LARP1B: variants seen among roughly 807,000 people sequenced by gnomAD.
The protein encoded by LARP1B is la-related protein 1B.
In LARP1B, 76 loss-of-function variants were observed where a neutral mutation model predicts 114.2. That is an observed-to-expected ratio of 0.67 (90% CI 0.55 to 0.81). The LOEUF is 0.81. LARP1B is among the 30% of genes least tolerant of loss of function. The pLI, the probability that LARP1B is intolerant of heterozygous loss-of-function variation, is 0.00. For missense variants in LARP1B, 1,014 were observed against 1,075.8 expected (o/e 0.94, Z 0.80); for synonymous variants, 345 against 348.0 (o/e 0.99, Z 0.10).
chr4:128,074,795 T>C, intron 2 of LARP1B, 139 bp from the exon 3 acceptor site: 1 of 587,758 alleles, frequency 1.7e-6, no homozygotes, highest in South Asian at 2.7e-5. Context: ...AGAAACTTTT[T>C]GATTAATTTG....
intron 15 of LARP1B, among the ~76,000 whole-genome samples, chr4:128,199,230 C>CT (rs1317867625): frequency 1.3e-5 from 2 of 152,170 alleles, no homozygotes; most frequent in Non-Finnish European, 2.9e-5. Context: ...TATGACCATG[C>CT]TTTTTATCAG....
In LARP1B at chr4:128,211,299, T is replaced by G; in HGVS notation, c.*1246T>G. On this transcript the variant is annotated 3_prime_UTR_variant, in exon 20 of 20. Transcript: ENST00000326639. ...ATAATTTACAGATATTTTGTTGTAT[T>G]GGCAAAAGCAAGTGGTTTCCATATG... 2.1e-6 allele frequency: 2 copies of G among 970,556 alleles called. No homozygotes were observed. Among genetic ancestry groups the G allele is most frequent in the Non-Finnish European group, 2.4e-6 (2 of 816,362 alleles). 60.1% of individuals were successfully genotyped at this position (970,556 alleles called of 1,614,324 possible).
At chr4:128,214,155 C>G (rs1759341024), downstream of LARP1B, among the ~76,000 whole-genome samples, 1 of 140,150 alleles carries the variant, frequency 7.1e-6, no homozygotes, top group Admixed American at 7.3e-5. Context: ...GGGTCCTACG[C>G]CCACGGAATC....
intron 5 of LARP1B, 115 bp from the exon 6 acceptor site, chr4:128,090,886 G>A (rs1215374036): frequency 2.8e-5 from 20 of 705,054 alleles, no homozygotes; most frequent in South Asian, 1.5e-4. Context: ...AAAATGCCTG[G>A]CTACTGTTCA....
chr4:128,111,207 C>T (rs886481911), intron 9 of LARP1B, among the ~76,000 whole-genome samples: 3 of 151,820 alleles, frequency 2.0e-5, no homozygotes, highest in Non-Finnish European at 4.4e-5. Flanking sequence ...CTGCCACGCC[C>T]GGCTATTTTT....
At chr4:128,127,066 A>T (rs1789908172) in intron 11 of LARP1B, among the ~76,000 whole-genome samples, 1 of 152,208 alleles carries the variant, frequency 6.6e-6, no homozygotes, top group South Asian at 2.1e-4. Flanking sequence ...GTGACAACCA[A>T]TAGACATTGG....
At chr4:128,196,560 C>T (rs960492033) in intron 15 of LARP1B, among the ~76,000 whole-genome samples, 9 of 150,588 alleles carry the variant, frequency 6.0e-5, no homozygotes, top group African/African-American at 2.2e-4. Context: ...CAATCCTTCT[C>T]AAATTCTTTC....
At chr4:128,110,382 G>C (rs1022920489) in intron 9 of LARP1B, among the ~76,000 whole-genome samples, 4 of 151,032 alleles carry the variant, frequency 2.6e-5, no homozygotes, top group Admixed American at 1.3e-4. Context: ...CCCTTAATCC[G>C]TTCAGATGTA....
At chr4:128,061,534 T>C (rs1332451126) in intron 1 of LARP1B, 133 bp downstream of exon 1, 5 of 302,638 alleles carry the variant, frequency 1.7e-5, no homozygotes, top group Non-Finnish European at 2.4e-5. Context: ...CGCCGGGCGC[T>C]GCGCGGCCTC....
intron 4 of LARP1B, among the ~76,000 whole-genome samples, chr4:128,081,028 T>TA (rs1049480326): frequency 4.0e-5 from 6 of 151,696 alleles, no homozygotes; most frequent in African/African-American, 1.2e-4. Context: ...GATTTTTTTT[T>TA]AAAAAAGCCT....
chr4:128,169,600 T>C (rs1188585855), intron 12 of LARP1B, among the ~76,000 whole-genome samples: 1 of 152,138 alleles, frequency 6.6e-6, no homozygotes, highest in Non-Finnish European at 1.5e-5. Context: ...ATATTCTCTC[T>C]CTATCTCTAT....
intron 8 of LARP1B, among the ~76,000 whole-genome samples, chr4:128,101,480 A>G (rs905560292): frequency 6.6e-6 from 1 of 151,904 alleles, no homozygotes; most frequent in East Asian, 1.9e-4. Flanking sequence ...GAAAATAATT[A>G]CTGTAAGCAA....
At chr4:128,132,310 T>G (rs1225243831) in intron 11 of LARP1B, among the ~76,000 whole-genome samples, 1 of 152,154 alleles carries the variant, frequency 6.6e-6, no homozygotes, top group African/African-American at 2.4e-5. Context: ...AGTGGCGCGA[T>G]CTTGGCTCAC....
rs1757763991 is a variant in LARP1B at position 128,206,909 on chromosome 4, C to T, written c.2420-347C>T. ...AGGCTCTGGGACAGACTGCTAGGTG[C>T]AAATTCCCTTTCCACTATTTAGAAG... is the stretch of plus-strand genomic sequence containing the variant. On this transcript the variant is annotated intron_variant, in intron 18 of 19. Coordinates refer to ENST00000326639, the MANE Select transcript of LARP1B (RefSeq NM_018078.4). 4 of 848,130 alleles carry T rather than the reference C, an allele frequency of 4.7e-6. No homozygotes were observed. In the African/African-American group the frequency reaches 5.5e-5, roughly 12 times the overall value. 52.5% of individuals were successfully genotyped at this position (848,130 alleles called of 1,614,324 possible). A position where few individuals can be genotyped will look rare whatever the true frequency, so the allele number is the denominator to read the frequency against.
At chr4:128,089,035 A>G (rs1774814200) in intron 5 of LARP1B, among the ~76,000 whole-genome samples, 1 of 152,074 alleles carries the variant, frequency 6.6e-6, no homozygotes, top group African/African-American at 2.4e-5. Context: ...ATCTAGGGTA[A>G]TGTTCTCAGT....
At chr4:128,179,366 T>A in intron 14 of LARP1B, 40 bp from the exon 15 acceptor site, 1 of 1,292,914 alleles carries the variant, frequency 7.7e-7, no homozygotes. Flanking sequence ...AAGTTCACAC[T>A]ATTGAAACTA....
At chr4:128,072,659 T>A (rs371947618) in intron 1 of LARP1B, among the ~76,000 whole-genome samples, 1 of 152,060 alleles carries the variant, frequency 6.6e-6, no homozygotes, top group East Asian at 1.9e-4. Context: ...TGGATTCAAG[T>A]GATTCTCCTG....
At chr4:128,065,035 T>C (rs887296210) in intron 1 of LARP1B, among the ~76,000 whole-genome samples, 7 of 152,164 alleles carry the variant, frequency 4.6e-5, no homozygotes, top group African/African-American at 1.4e-4. Flanking sequence ...GGTGCCTTCA[T>C]TCTCCAGTCT....
rs957396688 is a variant in LARP1B, at chr4:128,145,589, G to A, written c.1525-16605G>A. ...CTTCCCTGCATAGATTGTCTCCAGC[G>A]CTCTATTCCACAGGTTCCACTGCTT... On this transcript the variant is annotated intron_variant, in intron 11 of 19. Coordinates refer to ENST00000326639, the MANE Select transcript of LARP1B (RefSeq NM_018078.4). Among the ~76,000 whole-genome samples, 12 of 152,218 alleles carry A rather than the reference G, an allele frequency of 7.9e-5. 1 individual carries two copies. The highest frequency in any genetic ancestry group is 6.2e-4 in the South Asian group (3 of 4,812).
Sources: allele counts gnomAD v4.1 joint callset (sites outside exome capture counted in the v4.1 genomes callset), GRCh38; gene constraint gnomAD v4.1.1; transcripts MANE v1.5; gene names NCBI Gene and HGNC (gene_info 2026-07-23, HGNC 2026-07-21).